L3MBTL4: variants seen among roughly 807,000 people sequenced by gnomAD.
L3MBTL4 encodes the protein L3MBTL histone methyl-lysine binding protein 4.
L3MBTL4 carries 70 observed loss-of-function variants against 84.5 expected under a neutral mutation model. That is an observed-to-expected ratio of 0.83 (90% CI 0.68 to 1.01). L3MBTL4 has a LOEUF of 1.01. L3MBTL4 is among the 50% of genes least tolerant of loss of function. The pLI is 0.00. For missense variants in L3MBTL4, 715 were observed against 754.8 expected (o/e 0.95, Z 0.62); for synonymous variants, 274 against 259.8 (o/e 1.05, Z -0.52).
intron 16 of L3MBTL4, chr18:6,031,873 A>G: frequency 1.0e-6 from 1 of 976,014 alleles, no homozygotes; most frequent in Non-Finnish European, 1.2e-6. Flanking sequence ...TTACACAGAT[A>G]TATTGCATAG....
intron 1 of L3MBTL4, among the ~76,000 whole-genome samples, chr18:6,329,151 C>CTTTTTTTTTTTT (rs992694853): frequency 8.7e-5 from 11 of 126,540 alleles, no homozygotes; most frequent in Non-Finnish European, 1.7e-4. Context: ...TTTTTCTTTT[C>CTTTTTTTTTTTT]TTTTTTTTTT....
chr18:6,202,825 A>G (rs530129637), intron 12 of L3MBTL4, among the ~76,000 whole-genome samples: 39 of 152,336 alleles, frequency 2.6e-4, no homozygotes, highest in Admixed American at 1.4e-3. Context: ...TAACGTAGAC[A>G]TACAAAAGAT....
chr18:6,319,267 T>C (rs1198662068), intron 1 of L3MBTL4, among the ~76,000 whole-genome samples: 2 of 151,560 alleles, frequency 1.3e-5, no homozygotes, highest in Non-Finnish European at 2.9e-5. Flanking sequence ...ATGACAAAGA[T>C]CAGAGTAGAA....
At chr18:6,343,470 T>C (rs1182622723) in intron 1 of L3MBTL4, among the ~76,000 whole-genome samples, 1 of 152,082 alleles carries the variant, frequency 6.6e-6, no homozygotes, top group African/African-American at 2.4e-5. Flanking sequence ...GAGACCATCC[T>C]GACTAACATG....
intron 10 of L3MBTL4, among the ~76,000 whole-genome samples, chr18:6,221,752 T>C (rs2046564459): frequency 6.6e-6 from 1 of 152,212 alleles, no homozygotes; most frequent in South Asian, 2.1e-4. Context: ...TTTAAGAACC[T>C]GAATTATATA....
chr18:6,101,386 A>G (rs2058820872), intron 14 of L3MBTL4, among the ~76,000 whole-genome samples: 1 of 152,086 alleles, frequency 6.6e-6, no homozygotes, highest in African/African-American at 2.4e-5. Context: ...ATAGAGAAAA[A>G]TATGTCTATT....
rs532643716 is a variant in L3MBTL4 at position 6,209,640 on chromosome 18, G to A, written c.981+3509C>T. On this transcript the variant is annotated intron_variant, in intron 12 of 18. Transcript: ENST00000317931. ...ATCATATGACCCAGCAATTCCACTCGTAGTTATATATCCAAAAGAAATGAA... is the reference window on the plus strand; with the variant it reads ...ATCATATGACCCAGCAATTCCACTCATAGTTATATATCCAAAAGAAATGAA... 5.9e-5 allele frequency among the ~76,000 whole-genome samples: 9 copies of A among 152,106 alleles called. No homozygotes were observed. The East Asian group carries it at 7.7e-4, about 13-fold the overall frequency.
chr18:6,006,793 C>A lies in L3MBTL4; in HGVS notation c.1445-37231G>T, dbSNP rs758596953. Among the ~76,000 whole-genome samples, 22 of 152,158 alleles carry A rather than the reference C, an allele frequency of 1.4e-4. 1 individual carries two copies. In the Middle Eastern group the frequency reaches 0.01, roughly 71 times the overall value. On this transcript the variant is annotated intron_variant, in intron 16 of 18. Transcript: ENST00000317931. ...GCAGAATAGGAAGTTCACAAATAGA[C>A]CAAGTATTTATGGAAATTTAGTACA...
intron 13 of L3MBTL4, among the ~76,000 whole-genome samples, chr18:6,159,171 T>C (rs1451295913): frequency 2.6e-5 from 4 of 152,172 alleles, no homozygotes; most frequent in African/African-American, 9.6e-5. Context: ...AAACAGAGGA[T>C]ACCATCCCTT....
At chr18:6,109,779 A>G (rs931748926) in intron 14 of L3MBTL4, among the ~76,000 whole-genome samples, 28 of 152,146 alleles carry the variant, frequency 1.8e-4, no homozygotes, top group African/African-American at 6.5e-4. Context: ...TGGGTCCCCG[A>G]TCCTCTCTTT....
chr18:6,070,669 A>G (rs1809188), intron 16 of L3MBTL4, among the ~76,000 whole-genome samples: 1 of 151,544 alleles, frequency 6.6e-6, no homozygotes, highest in Non-Finnish European at 1.5e-5. Flanking sequence ...ACAAAAAACA[A>G]AAAACAAAAA....
Position 6,181,133 on chromosome 18 carries a change from G to A in L3MBTL4, c.982-9191C>T, listed in dbSNP as rs555083341. On this transcript the variant is annotated intron_variant, in intron 12 of 18. Coordinates refer to ENST00000317931, the MANE Select transcript of L3MBTL4 (RefSeq NM_001330559.2). Reference sequence around the variant, plus strand: ...GGGGAATTACTGGTTTTTGGGTACGGACTTTCTGTTTGAGGTGAGGACAAT... The same window carrying A: ...GGGGAATTACTGGTTTTTGGGTACGAACTTTCTGTTTGAGGTGAGGACAAT... 2.0e-3 allele frequency among the ~76,000 whole-genome samples: 303 copies of A among 151,942 alleles called. 2 individuals are homozygous for A. Among genetic ancestry groups the A allele is most frequent in the Middle Eastern group, 6.8e-3 (2 of 294 alleles).
chr18:6,285,915 T>G (rs2049556867), intron 4 of L3MBTL4, among the ~76,000 whole-genome samples: 1 of 151,208 alleles, frequency 6.6e-6, no homozygotes, highest in Admixed American at 6.6e-5. Context: ...CACTGCAACC[T>G]CCGCCTCCCG....
At chr18:6,167,635 T>C (rs987947930) in intron 13 of L3MBTL4, among the ~76,000 whole-genome samples, 2 of 152,182 alleles carry the variant, frequency 1.3e-5, no homozygotes, top group Non-Finnish European at 2.9e-5. Flanking sequence ...CAACCCTTCA[T>C]GCTAAAAGCT....
At chr18:6,264,375 A>G (rs1046834688) in intron 4 of L3MBTL4, among the ~76,000 whole-genome samples, 2 of 152,230 alleles carry the variant, frequency 1.3e-5, no homozygotes, top group Admixed American at 1.3e-4. Flanking sequence ...CTAATTTTAC[A>G]GTTAATAGTC....
intron 12 of L3MBTL4, among the ~76,000 whole-genome samples, chr18:6,208,971 T>C (rs1471710690): frequency 6.6e-6 from 1 of 152,230 alleles, no homozygotes; most frequent in East Asian, 1.9e-4. Flanking sequence ...AGTGGATTTA[T>C]GAGGGTGAGC....
chr18:6,130,595 T>C (rs34650640), intron 14 of L3MBTL4, among the ~76,000 whole-genome samples: 3,257 of 152,268 alleles, frequency 0.021, 37 homozygotes, highest in Non-Finnish European at 0.033. Context: ...TCAATGTAAA[T>C]AATATAATTA....
At chr18:6,407,862 G>A (rs547969001) in intron 1 of L3MBTL4, among the ~76,000 whole-genome samples, 1 of 152,308 alleles carries the variant, frequency 6.6e-6, no homozygotes, top group East Asian at 1.9e-4. Context: ...ACACCTCAGA[G>A]TGCAATTGTG....
At chr18:6,175,158 A>C (rs540756534) in intron 12 of L3MBTL4, among the ~76,000 whole-genome samples, 70 of 152,284 alleles carry the variant, frequency 4.6e-4, no homozygotes, top group African/African-American at 1.6e-3. Flanking sequence ...ATGAAAGCTA[A>C]AGGGAAACCC....
Sources: allele counts gnomAD v4.1 joint callset (sites outside exome capture counted in the v4.1 genomes callset), GRCh38; gene constraint gnomAD v4.1.1; transcripts MANE v1.5; gene names NCBI Gene and HGNC (gene_info 2026-07-23, HGNC 2026-07-21).